ACER3: variants seen among roughly 807,000 people sequenced by gnomAD.
ACER3 encodes the protein alkCDase 3.
In ACER3, 16 loss-of-function variants were observed where a neutral mutation model predicts 48.9. The ratio of observed to expected loss-of-function variants is 0.33; its 90% CI spans 0.22 to 0.50. The LOEUF is 0.50. Ranked by LOEUF, ACER3 falls within the 20% of genes least tolerant of loss-of-function variation. ACER3 has a pLI of 0.98. For synonymous variants in ACER3, 109 were observed against 107.8 expected, an observed-to-expected ratio of 1.01 and a Z score of -0.07; for missense variants, 227 against 326.0, an observed-to-expected ratio of 0.70 and a Z score of 2.34.
intron 1 of ACER3, among the ~76,000 whole-genome samples, chr11:76,873,229 A>C (rs1009938801): frequency 2.1e-4 from 32 of 152,134 alleles, no homozygotes; most frequent in African/African-American, 7.7e-4. Flanking sequence ...CTTAAAAGCT[A>C]TCAGGTGATT....
intron 3 of ACER3, among the ~76,000 whole-genome samples, chr11:76,965,568 G>GCCC (rs1948116585): frequency 2.6e-5 from 4 of 151,278 alleles, no homozygotes; most frequent in African/African-American, 9.9e-5. Context: ...GAAAGGTAGG[G>GCCC]TTACCCACAA....
intron 1 of ACER3, among the ~76,000 whole-genome samples, chr11:76,895,241 C>T (rs1020925308): frequency 6.6e-6 from 1 of 152,080 alleles, no homozygotes; most frequent in Non-Finnish European, 1.5e-5. Flanking sequence ...TTTGAACTTT[C>T]TAGCCTGTTT....
intron 2 of ACER3, among the ~76,000 whole-genome samples, chr11:76,953,947 CTTTTT>C (rs71043520): frequency 7.7e-6 from 1 of 129,996 alleles, no homozygotes. Flanking sequence ...TTTAAAAGTT[CTTTTT>C]TTTTTTTTTT....
intron 9 of ACER3, 105 bp downstream of exon 9, chr11:77,016,884 C>A: frequency 1.7e-6 from 1 of 576,532 alleles, no homozygotes; most frequent in Non-Finnish European, 2.9e-6. Context: ...AGAAAATTCA[C>A]AAACATGAAA....
chr11:76,985,732 A>G lies in ACER3; in HGVS notation c.402+8A>G, dbSNP rs767901136. On this transcript the variant is annotated splice_region_variant and intron_variant, in intron 5 of 10. Transcript: ENST00000532485. ...AGTTTAATAGTAACCACAGTAAGTC[A>G]TATTTTGTTTCTAACAGATTAAGCA... The G allele has an allele frequency of 4.7e-6, 7 of 1,478,780 alleles. No individual in the cohort carries two copies. Among genetic ancestry groups the G allele is most frequent in the East Asian group, 2.5e-5 (1 of 40,232 alleles). The allele number at this position is 1,478,780 out of a possible 1,614,324, so 91.6% of individuals were successfully genotyped here. A position where few individuals can be genotyped will look rare whatever the true frequency, so the allele number is the denominator to read the frequency against.
intron 7 of ACER3, among the ~76,000 whole-genome samples, chr11:77,005,992 T>TACGTATATATATA (rs1491403985): frequency 1.4e-5 from 1 of 70,580 alleles, no homozygotes; most frequent in East Asian, 6.0e-4. Context: ...TATATATATA[T>TACGTATATATATA]TTTTTTTTTT....
At chr11:76,915,961 T>C (rs1046994414) in intron 1 of ACER3, among the ~76,000 whole-genome samples, 27 of 152,216 alleles carry the variant, frequency 1.8e-4, no homozygotes, top group Admixed American at 1.4e-3. Flanking sequence ...AAGATGAGAT[T>C]TGGGTGGGGA....
At chr11:76,954,599 T>G (rs796173684) in intron 2 of ACER3, among the ~76,000 whole-genome samples, 26 of 117,842 alleles carry the variant, frequency 2.2e-4, no homozygotes, top group African/African-American at 7.8e-4. Flanking sequence ...TGGTTTTTTT[T>G]TTTGTTTTTT....
At chr11:76,881,790 C>G (rs12796913) in intron 1 of ACER3, among the ~76,000 whole-genome samples, 90,564 of 151,932 alleles carry the variant, frequency 0.6, 29,345 homozygotes, top group Non-Finnish European at 0.74. Flanking sequence ...TGAGGATATA[C>G]ATTTCCCTCT....
intron 2 of ACER3, among the ~76,000 whole-genome samples, chr11:76,941,006 T>C (rs1424384286): frequency 8.1e-6 from 1 of 123,406 alleles, no homozygotes; most frequent in East Asian, 2.3e-4. Context: ...AATATGTGTG[T>C]GTATAAACAC....
intron 1 of ACER3, among the ~76,000 whole-genome samples, chr11:76,898,689 G>C (rs987140045): frequency 2.1e-5 from 3 of 142,706 alleles, no homozygotes; most frequent in African/African-American, 5.0e-5. Flanking sequence ...CGGATGACGA[G>C]GTCAGGAGAT....
chr11:76,962,499 G>A (rs1010701585), intron 3 of ACER3, among the ~76,000 whole-genome samples: 2 of 151,334 alleles, frequency 1.3e-5, no homozygotes, highest in East Asian at 1.9e-4. Context: ...GAATACAGGC[G>A]TGAGCCACTG....
In ACER3 at chr11:76,926,636, G is replaced by C. The variant is rs4479014; in HGVS notation, c.183G>C (p.Lys61Asn). Residue 61 changes from lysine to asparagine, a missense_variant, in exon 2 of 11, where the codon AAG becomes AAC. Around this residue, in one of 3 missense-constraint regions of ACER3, gnomAD observed 195 missense variants for 290.8 expected, o/e 0.67. Transcript: ENST00000532485. ...AGAGTGTTAGAGACGGTCTGGAAAA[G>C]CGGTACATTGCTTCTTATTTAGCAC... ...AVQSVRDGLE[K>N]RYIASYLALT... The C allele has an allele frequency of 6.2e-7, 1 of 1,601,770 alleles. No homozygotes were observed. The highest frequency in any genetic ancestry group is 8.6e-7 in the Non-Finnish European group (1 of 1,169,136).
At chr11:76,911,521 G>A (rs1281693661) in intron 1 of ACER3, among the ~76,000 whole-genome samples, 4 of 152,194 alleles carry the variant, frequency 2.6e-5, no homozygotes, top group East Asian at 1.9e-4. Flanking sequence ...GTCTTGTTCC[G>A]TGATTATGAA....
At chr11:76,895,145 A>G (rs1037324518) in intron 1 of ACER3, among the ~76,000 whole-genome samples, 8 of 152,254 alleles carry the variant, frequency 5.3e-5, no homozygotes, top group East Asian at 1.9e-4. Context: ...CCTCAATACC[A>G]TTTACTGAAT....
intron 1 of ACER3, among the ~76,000 whole-genome samples, chr11:76,881,520 ATAC>A: frequency 6.6e-6 from 1 of 152,254 alleles, no homozygotes. Context: ...AGGGATTACA[ATAC>A]ATGTCTTTAA....
At chr11:76,979,796 A>G (rs1166058632) in intron 4 of ACER3, among the ~76,000 whole-genome samples, 1 of 152,088 alleles carries the variant, frequency 6.6e-6, no homozygotes, top group East Asian at 1.9e-4. Context: ...GCCACAGATA[A>G]TATGTAAATA....
At chr11:76,966,007 G>A (rs1376439058) in intron 3 of ACER3, among the ~76,000 whole-genome samples, 1 of 151,174 alleles carries the variant, frequency 6.6e-6, no homozygotes, top group Non-Finnish European at 1.5e-5. Context: ...AAAAGACACA[G>A]GCTGGCAAAT....
At chr11:76,886,933 C>T (rs1460141818) in intron 1 of ACER3, among the ~76,000 whole-genome samples, 1 of 152,196 alleles carries the variant, frequency 6.6e-6, no homozygotes, top group Non-Finnish European at 1.5e-5. Context: ...CCGCCTTGGC[C>T]TCCCAAAGTG....
Sources: allele counts gnomAD v4.1 joint callset (sites outside exome capture counted in the v4.1 genomes callset), GRCh38; gene constraint gnomAD v4.1.1; regional missense constraint gnomAD v4.1.1; transcripts MANE v1.5; gene names NCBI Gene and HGNC (gene_info 2026-07-23, HGNC 2026-07-21).